Variants in ZFAND3 observed in about 807,000 individuals in gnomAD.
The protein encoded by ZFAND3 is zinc finger AN1-type containing 3.
A neutral mutation model predicts 29.6 loss-of-function variants in ZFAND3; 10 were observed. The ratio of observed to expected loss-of-function variants is 0.34; its 90% confidence interval spans 0.21 to 0.57. The LOEUF (loss-of-function observed/expected upper bound fraction) is 0.57, where lower values mean the gene tolerates loss of function less well. ZFAND3 is among the 20% of genes least tolerant of loss of function. ZFAND3 has a pLI of 0.86. For synonymous variants in ZFAND3, 128 were observed against 112.6 expected (o/e 1.14, Z -0.87); for missense variants, 230 against 304.5 (o/e 0.76, Z 1.82).
At chr6:38,003,144 A>G (rs1176557232) in intron 2 of ZFAND3, 1 of 153,366 alleles carries the variant, frequency 6.5e-6, no homozygotes. Flanking sequence ...CAGTTCAGTT[A>G]CATATCTTGG....
intron 4 of ZFAND3, among the ~76,000 whole-genome samples, chr6:38,083,615 A>G (rs921261802): frequency 4.6e-5 from 7 of 152,126 alleles, no homozygotes; most frequent in African/African-American, 7.2e-5. Flanking sequence ...CAGCACTTCA[A>G]ATGCACAGTA....
chr6:37,884,021 G>A (rs1764944904), intron 1 of ZFAND3, among the ~76,000 whole-genome samples: 1 of 145,190 alleles, frequency 6.9e-6, no homozygotes. Context: ...GAGCTCCTGG[G>A]TAGGGAAAGA....
rs565944801 is a variant in ZFAND3, at chr6:37,927,057, T to C, written c.72-2902T>C. On this transcript the variant is annotated intron_variant, in intron 1 of 5. Coordinates refer to ENST00000287218, the MANE Select transcript of ZFAND3 (RefSeq NM_021943.3). Reference sequence around the variant, plus strand: ...TTTTGAGTAATAATATCAGTAGTTATATTATTTCTTTTATAACCTGATTGA... The same window carrying C: ...TTTTGAGTAATAATATCAGTAGTTACATTATTTCTTTTATAACCTGATTGA... Among the ~76,000 whole-genome samples the C allele has an allele frequency of 2.6e-5, 4 of 151,830 alleles. No individual in the cohort carries two copies. The South Asian group carries it at 6.2e-4, about 24-fold the overall frequency.
chr6:37,937,380 G>A (rs1761716841), intron 2 of ZFAND3, among the ~76,000 whole-genome samples: 1 of 152,194 alleles, frequency 6.6e-6, no homozygotes, highest in African/African-American at 2.4e-5. Flanking sequence ...CTGTTGGCCA[G>A]GCACAGTGGC....
intron 2 of ZFAND3, among the ~76,000 whole-genome samples, chr6:38,015,549 C>G (rs565135984): frequency 1.3e-5 from 2 of 152,198 alleles, no homozygotes; most frequent in African/African-American, 2.4e-5. Context: ...AGCCAACTCT[C>G]CAGCAGCAAG....
At chr6:37,981,238 G>GT (rs1762575472) in intron 2 of ZFAND3, among the ~76,000 whole-genome samples, 1 of 152,136 alleles carries the variant, frequency 6.6e-6, no homozygotes, top group Non-Finnish European at 1.5e-5. Flanking sequence ...GGAATAGCGT[G>GT]TTTCTTGTAT....
At chr6:37,849,446 T>G (rs1156942049) in intron 1 of ZFAND3, among the ~76,000 whole-genome samples, 1 of 152,208 alleles carries the variant, frequency 6.6e-6, no homozygotes, top group Non-Finnish European at 1.5e-5. Flanking sequence ...TTTGCTTTTA[T>G]TGCCCAGGCT....
At chr6:37,915,177 A>G (rs541850501) in intron 1 of ZFAND3, among the ~76,000 whole-genome samples, 1 of 152,204 alleles carries the variant, frequency 6.6e-6, no homozygotes, top group South Asian at 2.1e-4. Flanking sequence ...CACTTCTCTT[A>G]TGCAGCTTCC....
Position 37,979,980 on chromosome 6 carries a change from C to T in ZFAND3, c.112+49981C>T, listed in dbSNP as rs1055763745. Among the ~76,000 whole-genome samples, 10 of 152,112 alleles carry T rather than the reference C, an allele frequency of 6.6e-5. No individual in the cohort carries two copies. In the East Asian group the frequency reaches 1.9e-3, roughly 29 times the overall value. Reference sequence around the variant, plus strand: ...TCTAATTTTAATCAGATCATTAAACCAAGCACTGCACCCTTCGGAGCTGCA... The same window carrying T: ...TCTAATTTTAATCAGATCATTAAACTAAGCACTGCACCCTTCGGAGCTGCA... On this transcript the variant is annotated intron_variant, in intron 2 of 5. Coordinates refer to ENST00000287218, the MANE Select transcript of ZFAND3 (RefSeq NM_021943.3).
chr6:37,845,371 C>G (rs561625570), intron 1 of ZFAND3, among the ~76,000 whole-genome samples: 3 of 152,150 alleles, frequency 2.0e-5, no homozygotes, highest in South Asian at 4.1e-4. Flanking sequence ...TTAAAATTTA[C>G]CATGCCTAGG....
intron 1 of ZFAND3, among the ~76,000 whole-genome samples, chr6:37,871,436 T>A (rs1764693549): frequency 6.6e-6 from 1 of 152,236 alleles, no homozygotes; most frequent in Admixed American, 6.5e-5. Context: ...ACTGGGGAAC[T>A]GTCTCAGACT....
intron 2 of ZFAND3, among the ~76,000 whole-genome samples, chr6:37,998,296 A>G (rs1194528085): frequency 1.3e-5 from 2 of 152,202 alleles, no homozygotes; most frequent in African/African-American, 4.8e-5. Flanking sequence ...GAGTTCAGGA[A>G]GTGAGGAGGA....
chr6:38,076,847 T>G (rs1764564862), intron 3 of ZFAND3, among the ~76,000 whole-genome samples: 1 of 152,156 alleles, frequency 6.6e-6, no homozygotes, highest in Non-Finnish European at 1.5e-5. Context: ...TAGGGTGAGG[T>G]TGGAGATTAG....
chr6:37,949,728 A>G (rs1302971563), intron 2 of ZFAND3, among the ~76,000 whole-genome samples: 2 of 152,196 alleles, frequency 1.3e-5, no homozygotes, highest in Non-Finnish European at 1.5e-5. Flanking sequence ...CCAGATAAAG[A>G]GGTACATAGG....
At chr6:37,861,747 T>C (rs1764495578) in intron 1 of ZFAND3, among the ~76,000 whole-genome samples, 1 of 152,248 alleles carries the variant, frequency 6.6e-6, no homozygotes, top group Admixed American at 6.5e-5. Context: ...CACAGAGCCT[T>C]ATGTATTATG....
intron 2 of ZFAND3, among the ~76,000 whole-genome samples, chr6:37,964,656 C>T (rs1466320092): frequency 6.6e-6 from 1 of 152,178 alleles, no homozygotes; most frequent in African/African-American, 2.4e-5. Flanking sequence ...TTATATACCG[C>T]AGAGCAAAGC....
chr6:38,116,456 C>T (rs1765419274), intron 4 of ZFAND3, 116 bp from the exon 5 acceptor site: 1 of 1,252,546 alleles, frequency 8.0e-7, no homozygotes, highest in Non-Finnish European at 1.1e-6. Context: ...TCTCACCTGT[C>T]TGATTCCTGG....
intron 2 of ZFAND3, among the ~76,000 whole-genome samples, chr6:37,936,042 GTGTTTAATA>G (rs1761692141): frequency 1.3e-5 from 2 of 152,094 alleles, no homozygotes. Flanking sequence ...TAGTTGACCA[GTGTTTAATA>G]TTTAGGAATA....
chr6:37,897,507 T>G (rs60977329), intron 1 of ZFAND3, among the ~76,000 whole-genome samples: 10,075 of 152,280 alleles, frequency 0.066, 416 homozygotes, highest in Non-Finnish European at 0.095. Flanking sequence ...GAAATTCAGC[T>G]TCGTATTTCA....
Sources: allele counts gnomAD v4.1 joint callset (sites outside exome capture counted in the v4.1 genomes callset), GRCh38; gene constraint gnomAD v4.1.1; transcripts MANE v1.5; gene names NCBI Gene and HGNC (gene_info 2026-07-23, HGNC 2026-07-21).